Variants in FNBP1L observed in about 807,000 individuals in gnomAD.
FNBP1L encodes the protein formin binding protein 1 like.
FNBP1L carries 36 observed loss-of-function variants against 91.2 expected under a neutral mutation model. The observed-to-expected ratio is 0.39, with a 90% confidence interval of 0.30 to 0.52. The LOEUF (loss-of-function observed/expected upper bound fraction) is 0.52, where lower values mean the gene tolerates loss of function less well. Ranked by LOEUF, FNBP1L falls within the 20% of genes least tolerant of loss-of-function variation. FNBP1L has a pLI of 0.66. For synonymous variants in FNBP1L, 242 were observed against 237.0 expected (o/e 1.02, Z -0.19); for missense variants, 571 against 732.1 (o/e 0.78, Z 2.54).
chr1:93,510,740 C>T (rs888071489), intron 2 of FNBP1L, among the ~76,000 whole-genome samples: 15 of 152,008 alleles, frequency 9.9e-5, no homozygotes, highest in Admixed American at 2.6e-4. Context: ...CTAGAATAAC[C>T]GGTACAGAGA....
chr1:93,460,005 A>G (rs943763526), intron 1 of FNBP1L, among the ~76,000 whole-genome samples: 2 of 148,780 alleles, frequency 1.3e-5, no homozygotes, highest in East Asian at 3.9e-4. Flanking sequence ...TATTGGCATT[A>G]TACTTATCAA....
At chr1:93,507,682 G>A (rs988037249) in intron 2 of FNBP1L, among the ~76,000 whole-genome samples, 44 of 152,072 alleles carry the variant, frequency 2.9e-4, no homozygotes, top group African/African-American at 9.4e-4. Flanking sequence ...GGAGTTTCAC[G>A]CTTTCTCCCA....
chr1:93,541,075 TC>T lies in FNBP1L; in HGVS notation c.1164+20del, dbSNP rs1462999420. ...GAAGATGGTAAGCCTTATGTGCTGA[TC>T]TATATACTGTGCCAACATTAAGTAA... is the stretch of plus-strand genomic sequence containing the variant. On this transcript the variant is annotated intron_variant, in intron 11 of 16. Coordinates refer to ENST00000271234, the MANE Select transcript of FNBP1L (RefSeq NM_001164473.3). 3 of 1,534,836 alleles carry T rather than the reference TC, an allele frequency of 2.0e-6. No homozygotes were observed. The highest frequency in any genetic ancestry group is 1.7e-6 in the Non-Finnish European group (2 of 1,145,176).
intron 12 of FNBP1L, among the ~76,000 whole-genome samples, chr1:93,546,439 CAAT>C (rs1422506023): frequency 2.0e-5 from 3 of 151,808 alleles, no homozygotes; most frequent in Non-Finnish European, 4.4e-5. Flanking sequence ...AGTGGGAGGA[CAAT>C]GATGATGTAT....
At chr1:93,511,705 G>A (rs1165878112) in intron 2 of FNBP1L, among the ~76,000 whole-genome samples, 14 of 152,128 alleles carry the variant, frequency 9.2e-5, no homozygotes, top group African/African-American at 2.7e-4. Context: ...GGTGGCTCAC[G>A]CCTGTAATCC....
chr1:93,449,575 A>G (rs1557769235), intron 1 of FNBP1L, among the ~76,000 whole-genome samples: 1 of 152,210 alleles, frequency 6.6e-6, no homozygotes. Context: ...GTGAGACTTT[A>G]GAGTCCATCT....
intron 14 of FNBP1L, 136 bp downstream of exon 14, chr1:93,547,577 A>G (rs1672283430): frequency 1.0e-5 from 7 of 690,464 alleles, no homozygotes; most frequent in Non-Finnish European, 1.7e-5. Context: ...TTTGAACCTA[A>G]GTAATTTTCT....
At chr1:93,550,907 T>C (rs1672390790) in intron 15 of FNBP1L, 40 bp from the exon 16 acceptor site, 2 of 1,476,764 alleles carry the variant, frequency 1.4e-6, no homozygotes, top group Non-Finnish European at 1.8e-6. Context: ...AAAAAAATTA[T>C]CACAATGCTT....
intron 1 of FNBP1L, among the ~76,000 whole-genome samples, chr1:93,459,441 AGAC>A (rs1244191586): frequency 6.6e-6 from 1 of 152,234 alleles, no homozygotes; most frequent in Non-Finnish European, 1.5e-5. Flanking sequence ...TCTGGAAAGA[AGAC>A]ATGTAATTGG....
chr1:93,541,111 A>G (rs1672029724), intron 11 of FNBP1L, 55 bp downstream of exon 11: 2 of 1,499,478 alleles, frequency 1.3e-6, no homozygotes, highest in Admixed American at 4.0e-5. Flanking sequence ...ATCTCAAAAC[A>G]TTGTTTTGTT....
chr1:93,449,464 G>A (rs567631367), intron 1 of FNBP1L, among the ~76,000 whole-genome samples: 1 of 152,342 alleles, frequency 6.6e-6, no homozygotes, highest in South Asian at 2.1e-4. Context: ...TTGAGTATGT[G>A]TGTGCCCAGC....
chr1:93,536,252 G>A (rs1461348306), intron 9 of FNBP1L, 80 bp from the exon 10 acceptor site: 1 of 1,062,320 alleles, frequency 9.4e-7, no homozygotes, highest in African/African-American at 1.6e-5. Context: ...TGAAAAGTAT[G>A]TTGCCAAAAA....
chr1:93,451,344 G>A (rs1234239752), intron 1 of FNBP1L, among the ~76,000 whole-genome samples: 1 of 152,030 alleles, frequency 6.6e-6, no homozygotes, highest in African/African-American at 2.4e-5. Flanking sequence ...TTAAGAAATA[G>A]GTTTTTAGTT....
chr1:93,542,877 G>A (rs555978528), intron 11 of FNBP1L, among the ~76,000 whole-genome samples: 3 of 150,374 alleles, frequency 2.0e-5, no homozygotes, highest in South Asian at 2.1e-4. Context: ...TCTGCCTTCC[G>A]GGTTCAAGTG....
chr1:93,456,588 A>T (rs1330714316), intron 1 of FNBP1L, among the ~76,000 whole-genome samples: 1 of 147,756 alleles, frequency 6.8e-6, no homozygotes, highest in Admixed American at 6.7e-5. Flanking sequence ...AAGATGGTGA[A>T]ACCCCTTCTC....
At chr1:93,492,615 A>T (rs1670132354) in intron 1 of FNBP1L, among the ~76,000 whole-genome samples, 1 of 152,140 alleles carries the variant, frequency 6.6e-6, no homozygotes, top group African/African-American at 2.4e-5. Flanking sequence ...TGGGAGGCCC[A>T]AGTGGGAGAA....
chr1:93,450,945 T>A (rs1244702093), intron 1 of FNBP1L, among the ~76,000 whole-genome samples: 1 of 152,200 alleles, frequency 6.6e-6, no homozygotes. Flanking sequence ...ATGTGCTGAG[T>A]GGATCGTGTC....
intron 7 of FNBP1L, among the ~76,000 whole-genome samples, chr1:93,532,305 A>T (rs1343664574): frequency 6.6e-6 from 1 of 151,984 alleles, no homozygotes; most frequent in East Asian, 1.9e-4. Context: ...CATCGCTACT[A>T]AAAATACAAA....
chr1:93,537,085 CTGT>C (rs1398351419), intron 10 of FNBP1L, among the ~76,000 whole-genome samples: 1 of 151,934 alleles, frequency 6.6e-6, no homozygotes, highest in Non-Finnish European at 1.5e-5. Context: ...GTTTACTAAA[CTGT>C]TGTTTAGCAA....
Sources: gnomAD v4.1 joint callset for allele counts (sites outside exome capture counted in the v4.1 genomes callset) on GRCh38, gnomAD v4.1.1 for gene constraint, MANE v1.5 for transcripts, NCBI Gene and HGNC (gene_info 2026-07-23, HGNC 2026-07-21) for gene names.